Variants in RAP1GAP2 observed in about 807,000 individuals in gnomAD.
The protein encoded by RAP1GAP2 is RAP1 GTPase activating protein 2.
Under a neutral mutation model 95.0 loss-of-function variants are expected in RAP1GAP2, and 27 were observed. The ratio of observed to expected loss-of-function variants is 0.28; its 90% CI spans 0.21 to 0.39. The LOEUF (loss-of-function observed/expected upper bound fraction) is 0.39, where lower values mean the gene tolerates loss of function less well. Ranked by LOEUF, RAP1GAP2 falls within the 10% of genes least tolerant of loss-of-function variation. RAP1GAP2 has a pLI of 1.00. For missense variants in RAP1GAP2, 771 were observed against 970.0 expected (o/e 0.79, Z 2.72); for synonymous variants, 373 against 380.9 (o/e 0.98, Z 0.24).
chr17:2,849,216 G>T (rs533619632), intron 2 of RAP1GAP2, among the ~76,000 whole-genome samples: 179 of 152,286 alleles, frequency 1.2e-3, no homozygotes, highest in Non-Finnish European at 2.3e-3. Context: ...GGGGCAAGGC[G>T]TTTGAAGACA....
intron 3 of RAP1GAP2, among the ~76,000 whole-genome samples, chr17:2,948,382 C>T (rs182276181): frequency 2.0e-5 from 3 of 152,246 alleles, no homozygotes; most frequent in Non-Finnish European, 4.4e-5. Flanking sequence ...ACTTCTCCAG[C>T]GAGGGTCAGA....
chr17:2,939,569 C>G (rs1490111758), intron 3 of RAP1GAP2, among the ~76,000 whole-genome samples: 1 of 152,236 alleles, frequency 6.6e-6, no homozygotes, highest in African/African-American at 2.4e-5. Context: ...CTGCTGGAGT[C>G]TCCAAACACA....
At chr17:2,944,109 A>G (rs2043614828) in intron 3 of RAP1GAP2, among the ~76,000 whole-genome samples, 2 of 144,618 alleles carry the variant, frequency 1.4e-5, no homozygotes, top group Non-Finnish European at 3.0e-5. Flanking sequence ...AGATTGCGCC[A>G]TTGCACTCTA....
At chr17:2,916,449 T>C (rs1189922723) in intron 3 of RAP1GAP2, among the ~76,000 whole-genome samples, 1 of 152,166 alleles carries the variant, frequency 6.6e-6, no homozygotes, top group East Asian at 1.9e-4. Context: ...CTGATTGAAA[T>C]TGTCACAAGA....
At chr17:2,794,939 A>G (rs2069028507), upstream of RAP1GAP2, among the ~76,000 whole-genome samples, 1 of 127,916 alleles carries the variant, frequency 7.8e-6, no homozygotes, top group Non-Finnish European at 1.6e-5. Flanking sequence ...GTACAACAGC[A>G]TGATCTTGGC....
upstream of RAP1GAP2, among the ~76,000 whole-genome samples, chr17:2,773,967 A>C (rs934230824): frequency 6.6e-6 from 1 of 152,140 alleles, no homozygotes; most frequent in African/African-American, 2.4e-5. Flanking sequence ...CATGTTGGCC[A>C]GGCTGGTCTC....
At chr17:2,996,927 G>T (rs2045978729) in intron 13 of RAP1GAP2, among the ~76,000 whole-genome samples, 1 of 152,188 alleles carries the variant, frequency 6.6e-6, no homozygotes, top group Non-Finnish European at 1.5e-5. Flanking sequence ...GCTTAACAAA[G>T]GAACAAATGC....
In RAP1GAP2 at chr17:2,963,780, C is replaced by A; in HGVS notation, c.280-76C>A. 1 of 1,302,544 alleles carries A rather than the reference C, an allele frequency of 7.7e-7. No homozygotes were observed. Among genetic ancestry groups the A allele is most frequent in the Non-Finnish European group, 1.1e-6 (1 of 946,092 alleles). 80.7% of individuals were successfully genotyped at this position (1,302,544 alleles called of 1,614,324 possible). A position where few individuals can be genotyped will look rare whatever the true frequency, so the allele number is the denominator to read the frequency against. On this transcript the variant is annotated intron_variant, in intron 6 of 24. Transcript: ENST00000254695. The surrounding 1 kb of genome is among the most constrained non-coding windows in gnomAD (Gnocchi z 4.8). ...CCAGGCCCCACTCCTGGGAGCAGCG[C>A]AGAGGGGACACCGCCACCGGCCCCC...
rs1476800148 is a variant in RAP1GAP2 at position 2,902,585 on chromosome 17, T to G, written c.81-2699T>G. Among the ~76,000 whole-genome samples, 1 of 152,194 alleles carries G rather than the reference T, an allele frequency of 6.6e-6. No individual in the cohort carries two copies. Among genetic ancestry groups the G allele is most frequent in the African/African-American group, 2.4e-5 (1 of 41,456 alleles). On this transcript the variant is annotated intron_variant, in intron 2 of 24. Transcript: ENST00000254695. The surrounding 1 kb of genome is among the most constrained non-coding windows in gnomAD (Gnocchi z 4.1). ...CACCCTGGCACCCCCTCTGGAGTCCTGGACACAGCGCTGGAGCTTGCATGA... is the reference window on the plus strand; with the variant it reads ...CACCCTGGCACCCCCTCTGGAGTCCGGGACACAGCGCTGGAGCTTGCATGA...
At chr17:2,968,210 C>T (rs550837425) in intron 8 of RAP1GAP2, among the ~76,000 whole-genome samples, 5 of 152,202 alleles carry the variant, frequency 3.3e-5, no homozygotes, top group African/African-American at 1.2e-4. Context: ...TGGGAGGAAA[C>T]AGTTGCTGGT....
Position 2,965,434 on chromosome 17 carries a change from C to A in RAP1GAP2, c.493-106C>A. 2.4e-6 allele frequency: 2 copies of A among 830,056 alleles called. No homozygotes were observed. Among genetic ancestry groups the A allele is most frequent in the East Asian group, 2.7e-5 (1 of 37,592 alleles). The allele number at this position is 830,056 out of a possible 1,614,324, so 51.4% of individuals were successfully genotyped here. On this transcript the variant is annotated intron_variant, in intron 7 of 24. Coordinates refer to ENST00000254695, the MANE Select transcript of RAP1GAP2 (RefSeq NM_015085.5). This position sits in a 1 kb window ranked among gnomAD's most constrained non-coding sequence, Gnocchi z 4.7. ...TCATTGTCATCAGTAGCATCCTTCT[C>A]TTCCTTGTTGCTGTGGGGCTTCTCC...
At chr17:2,942,509 A>G (rs972835056) in intron 3 of RAP1GAP2, among the ~76,000 whole-genome samples, 1 of 152,154 alleles carries the variant, frequency 6.6e-6, no homozygotes, top group Non-Finnish European at 1.5e-5. Context: ...TTTCTGGCTT[A>G]TTTTGAAAAC....
intron 2 of RAP1GAP2, among the ~76,000 whole-genome samples, chr17:2,823,429 CTG>C (rs1284407930): frequency 6.6e-6 from 1 of 152,206 alleles, no homozygotes; most frequent in African/African-American, 2.4e-5. Context: ...GAAAGAAAAA[CTG>C]TTAGGATTCT....
At chr17:2,812,638 C>A (rs930157624) in intron 2 of RAP1GAP2, among the ~76,000 whole-genome samples, 1 of 152,056 alleles carries the variant, frequency 6.6e-6, no homozygotes, top group African/African-American at 2.4e-5. Flanking sequence ...TTCCCTCCCC[C>A]AGGACGGTGG....
chr17:2,802,004 AGT>A (rs984323802), intron 2 of RAP1GAP2, among the ~76,000 whole-genome samples: 1 of 152,088 alleles, frequency 6.6e-6, no homozygotes, highest in Non-Finnish European at 1.5e-5. Flanking sequence ...GCTCCAGTGG[AGT>A]GAATTGAAAA....
At chr17:2,842,574 G>A (rs554354190) in intron 2 of RAP1GAP2, among the ~76,000 whole-genome samples, 31 of 150,284 alleles carry the variant, frequency 2.1e-4, no homozygotes, top group African/African-American at 7.1e-4. Flanking sequence ...CTACCCTCTA[G>A]GAATGGCATG....
At chr17:2,856,039 G>A (rs913650750) in intron 2 of RAP1GAP2, among the ~76,000 whole-genome samples, 7 of 152,240 alleles carry the variant, frequency 4.6e-5, no homozygotes, top group Non-Finnish European at 8.8e-5. Flanking sequence ...AGAAGAAGCT[G>A]CCATGGGAAC....
chr17:2,981,950 G>C (rs1312114777), intron 10 of RAP1GAP2, among the ~76,000 whole-genome samples: 2 of 152,240 alleles, frequency 1.3e-5, no homozygotes, highest in Non-Finnish European at 2.9e-5. Flanking sequence ...AGCAGGCTCT[G>C]GAGAGGGACA....
At chr17:2,766,671 G>C (rs79128909) in intron 1 of RAP1GAP2, among the ~76,000 whole-genome samples, 4,044 of 152,194 alleles carry the variant, frequency 0.027, 166 homozygotes, top group African/African-American at 0.092. Flanking sequence ...ATGCATGAGA[G>C]AGATGCTCTG....
Sources: allele counts gnomAD v4.1 joint callset (sites outside exome capture counted in the v4.1 genomes callset), GRCh38; gene constraint gnomAD v4.1.1; non-coding constraint Gnocchi (gnomAD v3.1); transcripts MANE v1.5; gene names NCBI Gene and HGNC (gene_info 2026-07-23, HGNC 2026-07-21).